NEGR1: variants seen among roughly 807,000 people sequenced by gnomAD.
The protein encoded by NEGR1 is IgLON family member 4.
A neutral mutation model predicts 40.9 loss-of-function variants in NEGR1; 10 were observed. The observed-to-expected ratio is 0.24, with a 90% CI of 0.15 to 0.42. The LOEUF (loss-of-function observed/expected upper bound fraction) is 0.42. NEGR1 is among the 10% of genes least tolerant of loss of function. The pLI is 1.00. For missense variants in NEGR1, 352 were observed against 438.9 expected (o/e 0.80, Z 1.77); for synonymous variants, 185 against 166.8 (o/e 1.11, Z -0.84).
intron 3 of NEGR1, among the ~76,000 whole-genome samples, chr1:71,727,797 C>A (rs1042148292): frequency 6.6e-6 from 1 of 152,092 alleles, no homozygotes; most frequent in Non-Finnish European, 1.5e-5. Context: ...GATCTTATTC[C>A]ACATGTGGTT....
At chr1:71,877,081 G>T (rs1479636236) in intron 2 of NEGR1, among the ~76,000 whole-genome samples, 2 of 151,870 alleles carry the variant, frequency 1.3e-5, no homozygotes, top group Non-Finnish European at 2.9e-5. Context: ...AAATGTGAGG[G>T]TTGCGAGTGG....
intron 1 of NEGR1, among the ~76,000 whole-genome samples, chr1:72,214,756 T>A (rs1202310926): frequency 1.3e-5 from 2 of 151,686 alleles, no homozygotes; most frequent in Non-Finnish European, 2.9e-5. Flanking sequence ...ATAGGAAGAA[T>A]CAATATCATG....
intron 5 of NEGR1, among the ~76,000 whole-genome samples, chr1:71,600,275 T>C (rs549059788): frequency 6.6e-6 from 1 of 152,314 alleles, no homozygotes; most frequent in Non-Finnish European, 1.5e-5. Context: ...CCAAATACCA[T>C]GATAAGCGTT....
chr1:71,863,322 A>T (rs1660009242), intron 2 of NEGR1, among the ~76,000 whole-genome samples: 1 of 152,168 alleles, frequency 6.6e-6, no homozygotes, highest in African/African-American at 2.4e-5. Context: ...GCTGGAAGCC[A>T]TTATTATCAG....
intron 1 of NEGR1, among the ~76,000 whole-genome samples, chr1:72,011,871 C>A (rs1486101): frequency 0.52 from 79,306 of 151,860 alleles, 21,689 homozygotes; most frequent in East Asian, 0.67. Context: ...AGGGATCTAT[C>A]AAATCCTAAG....
chr1:71,407,582 T>C lies in NEGR1; in HGVS notation c.941-12A>G, dbSNP rs1309601223. Reference sequence around the variant, plus strand: ...GGCTGTACTTGGAGCTGGAAAGAAATGGAAAAGATTAAATCAAAATCTAAT... The same window carrying C: ...GGCTGTACTTGGAGCTGGAAAGAAACGGAAAAGATTAAATCAAAATCTAAT... On this transcript the variant is annotated splice_polypyrimidine_tract_variant and intron_variant, in intron 6 of 6. Coordinates refer to ENST00000357731, the MANE Select transcript of NEGR1 (RefSeq NM_173808.3). 5 of 1,610,124 alleles carry C rather than the reference T, an allele frequency of 3.1e-6. No homozygotes were observed. The highest frequency in any genetic ancestry group is 3.4e-6 in the Non-Finnish European group (4 of 1,177,732).
chr1:71,827,445 C>T (rs1369240186), intron 2 of NEGR1, among the ~76,000 whole-genome samples: 1 of 151,692 alleles, frequency 6.6e-6, no homozygotes, highest in African/African-American at 2.4e-5. Context: ...AGCTGACTCT[C>T]GGTAGATAAT....
chr1:72,207,542 T>C (rs1653456359), intron 1 of NEGR1, among the ~76,000 whole-genome samples: 1 of 151,826 alleles, frequency 6.6e-6, no homozygotes, highest in Non-Finnish European at 1.5e-5. Flanking sequence ...AAGCAAATCA[T>C]TGTTAAACTA....
intron 2 of NEGR1, among the ~76,000 whole-genome samples, chr1:71,796,481 G>A (rs1192285475): frequency 6.6e-6 from 1 of 152,140 alleles, no homozygotes; most frequent in Non-Finnish European, 1.5e-5. Context: ...AAATAATCTA[G>A]AAAAATGGAG....
At chr1:72,106,846 A>C (rs1351081895) in intron 1 of NEGR1, among the ~76,000 whole-genome samples, 1 of 151,964 alleles carries the variant, frequency 6.6e-6, no homozygotes, top group Non-Finnish European at 1.5e-5. Flanking sequence ...TATATCAAAG[A>C]CAAAACGTCA....
chr1:71,995,255 T>C (rs1483967786), intron 1 of NEGR1, among the ~76,000 whole-genome samples: 8 of 152,162 alleles, frequency 5.3e-5, no homozygotes. Flanking sequence ...TTATCTTCCC[T>C]TGTCTTTAGC....
At chr1:72,092,309 C>T (rs1569950253) in intron 1 of NEGR1, among the ~76,000 whole-genome samples, 1 of 152,188 alleles carries the variant, frequency 6.6e-6, no homozygotes, top group East Asian at 1.9e-4. Context: ...AACTTTCAGT[C>T]TAGTCAATGT....
intron 4 of NEGR1, among the ~76,000 whole-genome samples, chr1:71,645,159 A>C (rs1651490117): frequency 6.6e-6 from 1 of 151,944 alleles, no homozygotes; most frequent in Non-Finnish European, 1.5e-5. Flanking sequence ...TGCTTTTTTC[A>C]GTTCTAGGAG....
intron 2 of NEGR1, among the ~76,000 whole-genome samples, chr1:71,824,265 T>C (rs1027492121): frequency 6.6e-6 from 1 of 151,946 alleles, no homozygotes; most frequent in African/African-American, 2.4e-5. Context: ...CCACTGCAAT[T>C]TTCTCAAACA....
intron 3 of NEGR1, among the ~76,000 whole-genome samples, chr1:71,764,247 T>C (rs1488989561): frequency 2.0e-5 from 3 of 152,204 alleles, no homozygotes; most frequent in African/African-American, 7.2e-5. Context: ...ACAACATATG[T>C]AAAGGTAGAA....
chr1:72,223,547 T>C (rs969491926), intron 1 of NEGR1, among the ~76,000 whole-genome samples: 1 of 152,204 alleles, frequency 6.6e-6, no homozygotes, highest in Non-Finnish European at 1.5e-5. Context: ...GCCGTGACTA[T>C]AATTCCACTA....
In NEGR1 at chr1:71,785,588, C is replaced by A. The variant is rs1036520897; in HGVS notation, c.410-9291G>T. ...TCAGTGTAGTTACTATTCCCATAAA[C>A]CTGGTGGCCAGCTCCATTTGGAAAT... is the stretch of plus-strand genomic sequence containing the variant. On this transcript the variant is annotated intron_variant, in intron 2 of 6. Coordinates refer to ENST00000357731, the MANE Select transcript of NEGR1 (RefSeq NM_173808.3). Among the ~76,000 whole-genome samples the A allele has an allele frequency of 2.0e-5, 3 of 152,258 alleles. No individual in the cohort carries two copies. The South Asian group carries it at 6.2e-4, about 32-fold the overall frequency.
chr1:72,195,087 A>G (rs1480881867), intron 1 of NEGR1, among the ~76,000 whole-genome samples: 4 of 152,068 alleles, frequency 2.6e-5, no homozygotes, highest in African/African-American at 9.7e-5. Context: ...AGGATTTATC[A>G]AAGATTGTCA....
At chr1:72,035,857 T>C (rs1207224045) in intron 1 of NEGR1, among the ~76,000 whole-genome samples, 1 of 152,166 alleles carries the variant, frequency 6.6e-6, no homozygotes, top group Admixed American at 6.6e-5. Context: ...TAAAATGCTC[T>C]GGAAAAGCTC....
Sources: allele counts gnomAD v4.1 joint callset (sites outside exome capture counted in the v4.1 genomes callset), GRCh38; gene constraint gnomAD v4.1.1; transcripts MANE v1.5; gene names NCBI Gene and HGNC (gene_info 2026-07-23, HGNC 2026-07-21).